OPHN1: variants seen among roughly 807,000 people sequenced by gnomAD.
OPHN1 encodes oligophrenin-1.
In OPHN1, 11 loss-of-function variants were observed where a neutral mutation model predicts 60.7. That is an observed-to-expected ratio of 0.18 (90% CI 0.11 to 0.30). The LOEUF (loss-of-function observed/expected upper bound fraction) is 0.30. OPHN1 is among the 10% of genes least tolerant of loss of function. The pLI is 1.00. For synonymous variants in OPHN1, 226 were observed against 222.6 expected (o/e 1.02, Z -0.14); for missense variants, 449 against 611.0 (o/e 0.73, Z 2.80).
rs751188274 is a variant in OPHN1 at position 68,044,747 on chromosome X, G to A, written c.*2425C>T. The A allele has an allele frequency of 8.9e-6, 1 of 112,669 alleles. No homozygotes were observed. The highest frequency in any genetic ancestry group is 2.8e-4 in the East Asian group (1 of 3,551). The allele number at this position is 112,669 out of a possible 1,213,427, so 9.3% of individuals were successfully genotyped here. ...TCTTAAGGTATAGACCAGAGCAAAG[G>A]CAGAGCTACTCAGCCACTGCTCCCT... On this transcript the variant is annotated 3_prime_UTR_variant, in exon 25 of 25. Transcript: ENST00000355520.
chrX:68,405,379 G>A (rs1046426746), intron 2 of OPHN1, among the ~76,000 whole-genome samples: 22 of 111,559 alleles, frequency 2.0e-4, no homozygotes, highest in East Asian at 2.8e-4. Context: ...TTTTTAGAGC[G>A]GAGGTCTCAC....
chrX:68,393,957 G>A (rs1332627513), intron 2 of OPHN1, among the ~76,000 whole-genome samples: 6 of 88,385 alleles, frequency 6.8e-5, no homozygotes, highest in African/African-American at 2.0e-4. Flanking sequence ...GTGCAGTGGC[G>A]CGATCTCGGC....
intron 6 of OPHN1, among the ~76,000 whole-genome samples, chrX:68,226,785 T>C (rs963640770): frequency 9.0e-6 from 1 of 111,390 alleles, no homozygotes; most frequent in Admixed American, 9.6e-5. Flanking sequence ...CATGCCAAAT[T>C]GTAAAGACCA....
chrX:68,162,643 T>C (rs1416546015), intron 15 of OPHN1, among the ~76,000 whole-genome samples: 1 of 110,843 alleles, frequency 9.0e-6, no homozygotes, highest in Non-Finnish European at 1.9e-5. Context: ...TATAGAGGTA[T>C]ATAATTTTAA....
chrX:68,112,023 TCA>T, intron 17 of OPHN1, 64 bp from the exon 18 acceptor site: 1 of 637,689 alleles, frequency 1.6e-6, no homozygotes, highest in Non-Finnish European at 2.6e-6. Flanking sequence ...AGCAAAATTC[TCA>T]CATATATATG....
intron 2 of OPHN1, among the ~76,000 whole-genome samples, chrX:68,362,870 G>T (rs1190731639): frequency 9.0e-6 from 1 of 111,345 alleles, no homozygotes; most frequent in Non-Finnish European, 1.9e-5. Context: ...GTTAATAGGG[G>T]AAACCGGAGG....
intron 2 of OPHN1, among the ~76,000 whole-genome samples, chrX:68,392,616 C>T (rs2078659061): frequency 1.8e-5 from 2 of 110,001 alleles, no homozygotes; most frequent in Admixed American, 9.9e-5. Flanking sequence ...ACGCCCAAAA[C>T]ATTGCCTTTT....
chrX:68,053,527 A>C, intron 22 of OPHN1, 118 bp downstream of exon 22: 1 of 738,238 alleles, frequency 1.4e-6, no homozygotes, highest in Non-Finnish European at 2.1e-6. Flanking sequence ...TCCCTAGACT[A>C]TAAAGTGAAG....
intron 20 of OPHN1, among the ~76,000 whole-genome samples, chrX:68,068,047 C>T (rs1569201863): frequency 9.0e-6 from 1 of 111,524 alleles, no homozygotes; most frequent in Non-Finnish European, 1.9e-5. Flanking sequence ...CATGGGAGTG[C>T]TGAACATTAA....
At chrX:68,338,997 G>C (rs1363437547) in intron 2 of OPHN1, among the ~76,000 whole-genome samples, 1 of 106,301 alleles carries the variant, frequency 9.4e-6, no homozygotes, top group Non-Finnish European at 1.9e-5. Context: ...AGGGTCACTT[G>C]AGCCCAGGAG....
chrX:68,323,244 C>T (rs181467635), intron 2 of OPHN1, among the ~76,000 whole-genome samples: 47 of 111,843 alleles, frequency 4.2e-4, no homozygotes, highest in African/African-American at 1.3e-3. Context: ...AGAGGGAAAG[C>T]TACCCAATTT....
chrX:68,309,614 TACG>T (rs758508485), intron 2 of OPHN1, among the ~76,000 whole-genome samples: 1 of 112,198 alleles, frequency 8.9e-6, no homozygotes, highest in East Asian at 2.8e-4. Context: ...AATCAATACT[TACG>T]ACATTTTGCC....
chrX:68,118,203 G>A (rs1018600624), intron 16 of OPHN1, among the ~76,000 whole-genome samples: 7 of 111,159 alleles, frequency 6.3e-5, no homozygotes, highest in African/African-American at 2.3e-4. Context: ...TTACTTAATG[G>A]AGAAAGTGGT....
intron 2 of OPHN1, among the ~76,000 whole-genome samples, chrX:68,402,734 A>T (rs935577281): frequency 2.7e-5 from 3 of 111,810 alleles, no homozygotes; most frequent in Admixed American, 9.6e-5. Flanking sequence ...AAATCTTCAG[A>T]AGAGTGCTTA....
Position 68,070,714 on chromosome X carries a change from C to T in OPHN1, c.1834+2438G>A. The T allele has an allele frequency of 5.5e-6, 6 of 1,090,459 alleles. No individual in the cohort carries two copies. In the Admixed American group the frequency reaches 1.1e-4, roughly 20 times the overall value. The allele number at this position is 1,090,459 out of a possible 1,213,427, so 89.9% of individuals were successfully genotyped here. A position where few individuals can be genotyped will look rare whatever the true frequency, so the allele number is the denominator to read the frequency against. On this transcript the variant is annotated intron_variant, in intron 20 of 24. Coordinates refer to ENST00000355520, the MANE Select transcript of OPHN1 (RefSeq NM_002547.3). ...GCTTTCACCACCTCATCCATGAGGG[C>T]TTTGGTTCCCTGGGCAAAAGCTTCC...
In OPHN1 at chrX:68,433,333, C is replaced by CA. The variant is rs2078895504; in HGVS notation, c.-171dup. On this transcript the variant is annotated 5_prime_UTR_variant, in exon 1 of 25. Coordinates refer to ENST00000355520, the MANE Select transcript of OPHN1 (RefSeq NM_002547.3). ...AGGCATCGCCTTCCCAGATAAGCAG[C>CA]AAAAACCGCAGCCCGACTTGCCTCC... 3.2e-6 allele frequency: 1 copy of CA among 311,817 alleles called. No homozygotes were observed. 25.7% of individuals were successfully genotyped at this position (311,817 alleles called of 1,213,427 possible).
At chrX:68,423,996 G>A (rs756868175) in intron 2 of OPHN1, among the ~76,000 whole-genome samples, 1 of 110,110 alleles carries the variant, frequency 9.1e-6, no homozygotes, top group Admixed American at 9.8e-5. Flanking sequence ...GTGAAACCCC[G>A]TTTCTACTGA....
chrX:68,265,902 T>C (rs770101572), intron 5 of OPHN1, among the ~76,000 whole-genome samples: 1 of 111,582 alleles, frequency 9.0e-6, no homozygotes, highest in East Asian at 2.8e-4. Context: ...TGTAGCCAAT[T>C]CGATCAAGTG....
At chrX:68,134,349 A>G (rs1349030574) in intron 15 of OPHN1, among the ~76,000 whole-genome samples, 3 of 111,344 alleles carry the variant, frequency 2.7e-5, no homozygotes, top group Non-Finnish European at 5.7e-5. Flanking sequence ...ATAAGTTAGG[A>G]TGGACATTAG....
Sources: allele counts gnomAD v4.1 joint callset (sites outside exome capture counted in the v4.1 genomes callset), GRCh38; gene constraint gnomAD v4.1.1; transcripts MANE v1.5; gene names NCBI Gene and HGNC (gene_info 2026-07-23, HGNC 2026-07-21).